The following PTPRQ variants were observed in gnomAD, a reference collection of about 807,000 sequenced individuals.
The protein encoded by PTPRQ is phosphatidylinositol phosphatase PTPRQ.
Under a neutral mutation model 246.0 loss-of-function variants are expected in PTPRQ, and 199 were observed. The observed-to-expected ratio is 0.81, with a 90% CI of 0.72 to 0.91. The LOEUF is 0.91. Ranked by LOEUF, PTPRQ falls within the 40% of genes least tolerant of loss-of-function variation. The pLI is 0.00. For synonymous variants in PTPRQ, 869 were observed against 853.2 expected (o/e 1.02, Z -0.32); for missense variants, 2,624 against 2,528.4 (o/e 1.04, Z -0.81).
intron 8 of PTPRQ, among the ~76,000 whole-genome samples, chr12:80,476,611 TA>T (rs1011096463): frequency 1.3e-5 from 2 of 152,236 alleles, no homozygotes; most frequent in Non-Finnish European, 2.9e-5. Flanking sequence ...TTGCTCATTA[TA>T]AATAACATAT....
At position 80,493,440 on chromosome 12, in the gene PTPRQ, C is replaced by A. The variant is rs1376651178; in HGVS notation, c.1525C>A (p.Gln509Lys). 6.5e-7 allele frequency: 1 copy of A among 1,548,008 alleles called. No individual in the cohort carries two copies. Among genetic ancestry groups the A allele is most frequent in the Non-Finnish European group, 8.7e-7 (1 of 1,144,998 alleles). ...TCCTGCAAGGAATAGAGCTGAAGAC[C>A]AGACTTCACCAGTTGGTAGGTAGAA... ...NFPARNRAEDQTSPVVTTRNQ... is the reference protein window; with the variant it reads ...NFPARNRAEDKTSPVVTTRNQ... The change falls in exon 10 of 45, where the codon CAG (glutamine) becomes AAG (lysine). Residue 509 changes from glutamine (Q) to lysine (K), a missense_variant. Coordinates refer to ENST00000644991, the MANE Select transcript of PTPRQ (RefSeq NM_001145026.2).
intron 17 of PTPRQ, among the ~76,000 whole-genome samples, chr12:80,516,760 A>G (rs1397562464): frequency 6.6e-6 from 1 of 152,236 alleles, no homozygotes; most frequent in Admixed American, 6.5e-5. Context: ...TAGATCAATC[A>G]TCAGAATGGG....
At chr12:80,576,781 A>G (rs145431290) in intron 25 of PTPRQ, among the ~76,000 whole-genome samples, 1 of 152,114 alleles carries the variant, frequency 6.6e-6, no homozygotes, top group African/African-American at 2.4e-5. Context: ...TCAATTACTT[A>G]TAGATACAGG....
At chr12:80,609,963 T>A (rs1036911449) in intron 27 of PTPRQ, among the ~76,000 whole-genome samples, 4 of 150,552 alleles carry the variant, frequency 2.7e-5, no homozygotes, top group African/African-American at 9.7e-5. Context: ...AGATTTGTCC[T>A]TTCTAAATCT....
chr12:80,679,192 C>A lies in PTPRQ; in HGVS notation c.*169C>A. The stretch of plus-strand genomic sequence containing the variant: ...TTTTAAGACTAGTTCTTGAAAATAG[C>A]TAATACAGAATAATTATTTGTTTTG... On this transcript the variant is annotated 3_prime_UTR_variant, in exon 45 of 45. Transcript: ENST00000644991. 1.5e-6 allele frequency: 1 copy of A among 648,434 alleles called. No homozygotes were observed. Among genetic ancestry groups the A allele is most frequent in the Non-Finnish European group, 2.3e-6 (1 of 428,268 alleles). The allele number at this position is 648,434 out of a possible 1,614,324, so 40.2% of individuals were successfully genotyped here.
intron 39 of PTPRQ, among the ~76,000 whole-genome samples, chr12:80,662,349 G>C (rs1447300366): frequency 6.6e-6 from 1 of 151,914 alleles, no homozygotes; most frequent in Non-Finnish European, 1.5e-5. Flanking sequence ...TTAGCATGTA[G>C]TTCCACAATA....
At chr12:80,632,541 T>C (rs779267100) in intron 34 of PTPRQ, among the ~76,000 whole-genome samples, 2 of 152,158 alleles carry the variant, frequency 1.3e-5, no homozygotes, top group Non-Finnish European at 2.9e-5. Context: ...ATGTAAAGAA[T>C]TGTTAACTAG....
At chr12:80,645,347 G>C (rs942156195) in intron 35 of PTPRQ, among the ~76,000 whole-genome samples, 1 of 151,906 alleles carries the variant, frequency 6.6e-6, no homozygotes, top group Non-Finnish European at 1.5e-5. Context: ...TTAAAGCTTT[G>C]AGTTAGGACC....
chr12:80,578,901 T>G (rs1343773656), intron 25 of PTPRQ, among the ~76,000 whole-genome samples: 1 of 152,168 alleles, frequency 6.6e-6, no homozygotes, highest in Non-Finnish European at 1.5e-5. Context: ...TCCCTTTATT[T>G]TATTTATTTG....
chr12:80,478,542 C>T (rs532612155), intron 8 of PTPRQ, among the ~76,000 whole-genome samples: 4 of 152,276 alleles, frequency 2.6e-5, no homozygotes, highest in Non-Finnish European at 4.4e-5. Context: ...ACGACTTTGA[C>T]GAGCTGAGAG....
intron 33 of PTPRQ, among the ~76,000 whole-genome samples, chr12:80,625,814 T>C (rs1012241077): frequency 1.3e-5 from 2 of 152,184 alleles, no homozygotes; most frequent in Admixed American, 6.5e-5. Flanking sequence ...AGATTGAGTA[T>C]TGGCATTTTT....
chr12:80,582,655 G>T (rs1287315889), intron 25 of PTPRQ, among the ~76,000 whole-genome samples: 36 of 152,144 alleles, frequency 2.4e-4, no homozygotes, highest in Admixed American at 2.4e-3. Context: ...CCAGAACGTT[G>T]AGAAATAAAT....
chr12:80,597,846 G>A (rs1364452746), intron 26 of PTPRQ, among the ~76,000 whole-genome samples: 1 of 151,916 alleles, frequency 6.6e-6, no homozygotes, highest in East Asian at 1.9e-4. Flanking sequence ...TGATGTTGAT[G>A]CTGCTGGCCT....
intron 17 of PTPRQ, among the ~76,000 whole-genome samples, chr12:80,515,027 T>C (rs1226798795): frequency 2.2e-5 from 3 of 138,360 alleles, no homozygotes; most frequent in Non-Finnish European, 5.0e-5. Flanking sequence ...TTTAGTATCT[T>C]ATTAACATAC....
In PTPRQ at chr12:80,679,684, C is replaced by G. The variant is rs1458368839; in HGVS notation, c.*661C>G. 1 of 151,918 alleles carries G rather than the reference C, an allele frequency of 6.6e-6. No homozygotes were observed. 9.4% of individuals were successfully genotyped at this position (151,918 alleles called of 1,614,324 possible). On this transcript the variant is annotated 3_prime_UTR_variant, in exon 45 of 45. Transcript: ENST00000644991. The stretch of plus-strand genomic sequence containing the variant: ...AACCTTAAAAGAAAAATTAAAAGTG[C>G]AATTGCACACATGAAATTACAGAGT...
At chr12:80,653,324 T>C (rs558375717) in intron 38 of PTPRQ, among the ~76,000 whole-genome samples, 23 of 152,332 alleles carry the variant, frequency 1.5e-4, no homozygotes, top group Non-Finnish European at 2.4e-4. Flanking sequence ...TTCACCATAG[T>C]ACATACAGCT....
At chr12:80,661,658 T>G (rs1482896678) in intron 39 of PTPRQ, among the ~76,000 whole-genome samples, 1 of 151,672 alleles carries the variant, frequency 6.6e-6, no homozygotes, top group African/African-American at 2.4e-5. Flanking sequence ...AAATATAAAC[T>G]GCACATTTTA....
chr12:80,629,173 CAG>C (rs1271506154), intron 33 of PTPRQ, among the ~76,000 whole-genome samples: 4 of 150,788 alleles, frequency 2.7e-5, no homozygotes, highest in African/African-American at 2.5e-5. Flanking sequence ...CACACACACA[CAG>C]AGAGAGAGAA....
Position 80,468,740 on chromosome 12 carries a change from C to T in PTPRQ, c.941C>T (p.Thr314Ile), listed in dbSNP as rs534799489. ...VPEGPPQNCV[T>I]GNITGKSFSI... ...GAAGGACCACCACAAAACTGCGTAA[C>T]AGGCAACATCACAGGAAAGTCCTTT... Residue 314 changes from threonine (T) to isoleucine (I), a missense_variant, in exon 7 of 45, where the codon ACA becomes ATA. Coordinates refer to ENST00000644991, the MANE Select transcript of PTPRQ (RefSeq NM_001145026.2). 1 of 1,548,642 alleles carries T rather than the reference C, an allele frequency of 6.5e-7. No homozygotes were observed. The highest frequency in any genetic ancestry group is 2.5e-5 in the East Asian group (1 of 40,686).
Sources: gnomAD v4.1 joint callset for allele counts (sites outside exome capture counted in the v4.1 genomes callset) on GRCh38, gnomAD v4.1.1 for gene constraint, MANE v1.5 for transcripts, NCBI Gene and HGNC (gene_info 2026-07-23, HGNC 2026-07-21) for gene names.